Variants in ADAM8 observed in about 807,000 individuals in gnomAD.
The protein encoded by ADAM8 is ADAM metallopeptidase domain 8.
ADAM8 carries 104 observed loss-of-function variants against 102.4 expected under a neutral mutation model. The ratio of observed to expected loss-of-function variants is 1.02; its 90% CI spans 0.87 to 1.20. ADAM8 has a LOEUF of 1.20. Among genes scored for constraint, ADAM8 ranks in the 50% most tolerant of loss-of-function variants. The pLI is 0.00. For missense variants in ADAM8, 1,132 were observed against 1,159.0 expected (o/e 0.98, Z 0.34); for synonymous variants, 517 against 485.2 (o/e 1.07, Z -0.86).
rs561486244 is a variant in ADAM8, at chr10:133,267,897, G to A, written c.2253+32C>T. 6.6e-5 allele frequency: 83 copies of A among 1,256,988 alleles called. 1 individual carries two copies. The highest frequency in any genetic ancestry group is 1.9e-4 in the Admixed American group (5 of 26,564). 77.9% of individuals were successfully genotyped at this position (1,256,988 alleles called of 1,614,324 possible). ...AGGATGGGGCCTGGGCACTGCTTTCGGCCTCATGAACCCGCCAGGGGTGGT... is the reference window on the plus strand; with the variant it reads ...AGGATGGGGCCTGGGCACTGCTTTCAGCCTCATGAACCCGCCAGGGGTGGT... On this transcript the variant is annotated intron_variant, in intron 20 of 22. Coordinates refer to ENST00000445355, the MANE Select transcript of ADAM8 (RefSeq NM_001109.5).
intron 1 of ADAM8, among the ~76,000 whole-genome samples, chr10:133,276,147 C>T (rs1846743100): frequency 6.6e-6 from 1 of 152,196 alleles, no homozygotes; most frequent in Non-Finnish European, 1.5e-5. Context: ...CATTAAAACA[C>T]AATAGTGGAC....
At chr10:133,276,347 G>A (rs909069564) in intron 1 of ADAM8, among the ~76,000 whole-genome samples, 3 of 152,052 alleles carry the variant, frequency 2.0e-5, no homozygotes, top group African/African-American at 7.2e-5. Context: ...CCAGGCAGGA[G>A]ACGGGTCCCC....
At chr10:133,268,988 A>G in intron 18 of ADAM8, 126 bp from the exon 19 acceptor site, 1 of 1,467,898 alleles carries the variant, frequency 6.8e-7, no homozygotes, top group South Asian at 1.4e-5. Context: ...CTCAGGGAGG[A>G]CCTGGTACCT....
At chr10:133,269,836 A>G in intron 17 of ADAM8, 61 bp downstream of exon 17, 1 of 1,571,722 alleles carries the variant, frequency 6.4e-7, no homozygotes, top group Non-Finnish European at 8.7e-7. Context: ...TGTCCCCAGC[A>G]CCGGCTCCCT....
At chr10:133,267,514 T>C in intron 20 of ADAM8, 97 bp from the exon 21 acceptor site, 1 of 1,262,238 alleles carries the variant, frequency 7.9e-7, no homozygotes, top group Middle Eastern at 2.3e-4. Context: ...GCCTCTTGTG[T>C]GTGCTGGAGG....
intron 19 of ADAM8, 28 bp downstream of exon 19, chr10:133,268,720 C>T (rs1846414880): frequency 1.9e-6 from 3 of 1,596,568 alleles, no homozygotes; most frequent in East Asian, 2.3e-5. Context: ...CACTCGCCAC[C>T]CTCCGTCACA....
rs1472203566 is a variant in ADAM8 at position 133,271,198 on chromosome 10, A to G, written c.1374+2T>C. 1 of 1,610,492 alleles carries G rather than the reference A, an allele frequency of 6.2e-7. No homozygotes were observed. On this transcript the variant is annotated splice_donor_variant, in intron 13 of 22. Coordinates refer to ENST00000445355, the MANE Select transcript of ADAM8 (RefSeq NM_001109.5). LOFTEE classifies it high-confidence loss of function. ...GGGTCACTGGTGGGAGGCTGCACTC[A>G]CCTTGCACTCCTGGCAGCAGGTACC... is the stretch of plus-strand genomic sequence containing the variant.
Position 133,263,643 on chromosome 10 carries a change from G to A in ADAM8, c.2397+45C>T, listed in dbSNP as rs2275721. On this transcript the variant is annotated intron_variant, in intron 22 of 22. Coordinates refer to ENST00000445355, the MANE Select transcript of ADAM8 (RefSeq NM_001109.5). ...GTCAGCCCCGTGGGGAGGCCGTGCC[G>A]TCCATTGCACAGTGGACTCTGCCTG... The A allele has an allele frequency of 1.2e-3, 292 of 244,312 alleles. 1 individual carries two copies. The highest frequency in any genetic ancestry group is 2.2e-3 in the Admixed American group (17 of 7,738). 15.1% of individuals were successfully genotyped at this position (244,312 alleles called of 1,614,324 possible). A position where few individuals can be genotyped will look rare whatever the true frequency, so the allele number is the denominator to read the frequency against.
rs531241506 is a variant in ADAM8 at position 133,267,871 on chromosome 10, C to A, written c.2253+58G>T. The A allele has an allele frequency of 1.7e-4, 219 of 1,254,124 alleles. 3 individuals carry two copies. The highest frequency in any genetic ancestry group is 6.2e-5 in the Non-Finnish European group (62 of 993,492). 77.7% of individuals were successfully genotyped at this position (1,254,124 alleles called of 1,614,324 possible). On this transcript the variant is annotated intron_variant, in intron 20 of 22. Coordinates refer to ENST00000445355, the MANE Select transcript of ADAM8 (RefSeq NM_001109.5). Reference sequence around the variant, plus strand: ...TGGCCTCGGGCTGCACTTGGGGTCGCAGGATGGGGCCTGGGCACTGCTTTC... The same window carrying A: ...TGGCCTCGGGCTGCACTTGGGGTCGAAGGATGGGGCCTGGGCACTGCTTTC...
In ADAM8 at chr10:133,268,737, A is replaced by G. The variant is rs759456201; in HGVS notation, c.2063+11T>C. On this transcript the variant is annotated intron_variant, in intron 19 of 22. Coordinates refer to ENST00000445355, the MANE Select transcript of ADAM8 (RefSeq NM_001109.5). ...CTCGCCACCCTCCGTCACAGCCCCC[A>G]CCACCCTCACCTGCTCAGGATGCGG... is the stretch of plus-strand genomic sequence containing the variant. 2.5e-6 allele frequency: 4 copies of G among 1,606,958 alleles called. No individual in the cohort carries two copies. The highest frequency in any genetic ancestry group is 2.2e-5 in the East Asian group (1 of 44,796).
chr10:133,265,102 C>T (rs1325834422), intron 21 of ADAM8, among the ~76,000 whole-genome samples: 3 of 141,502 alleles, frequency 2.1e-5, no homozygotes, highest in Non-Finnish European at 3.1e-5. Flanking sequence ...TCTACCTCCA[C>T]GCCTGTTCCT....
intron 21 of ADAM8, among the ~76,000 whole-genome samples, chr10:133,265,018 T>G (rs1219448403): frequency 3.0e-5 from 4 of 133,804 alleles, no homozygotes; most frequent in African/African-American, 2.9e-5. Context: ...CCCATCTACC[T>G]CCACGCCCGG....
At chr10:133,273,671 CACCCTCCCT>C in intron 5 of ADAM8, 82 bp downstream of exon 5, 1 of 1,426,368 alleles carries the variant, frequency 7.0e-7, no homozygotes, top group Non-Finnish European at 9.5e-7. Flanking sequence ...GAGGAGGAGG[CACCCTCCCT>C]GCCTCCCTTC....
intron 2 of ADAM8, chr10:133,275,119 C>A (rs967592633): frequency 9.4e-6 from 3 of 318,428 alleles, no homozygotes; most frequent in South Asian, 3.2e-5. Context: ...CCCTGGGAAA[C>A]CCCCGCCAGG....
At position 133,275,513 on chromosome 10, in the gene ADAM8, G is replaced by C. The variant is rs201802022; in HGVS notation, c.121C>G (p.Arg41Gly). 2.0e-6 allele frequency: 3 copies of C among 1,528,572 alleles called. No homozygotes were observed. The highest frequency in any genetic ancestry group is 1.4e-5 in the African/African-American group (1 of 71,366). The allele number at this position is 1,528,572 out of a possible 1,614,324, so 94.7% of individuals were successfully genotyped here. Residue 41 changes from arginine (R) to glycine (G), a missense_variant, in exon 2 of 23, where the codon CGA (arginine) becomes GGA (glycine). By Grantham distance (125) the Arg-to-Gly change is moderately radical. Transcript: ENST00000445355. ...VVLPWRLPGP[R>G]VRRALPSHLG... ...TGGGAGGGCAGAGCTCGGCGGACTC[G>C]GGGGCCTGGCAGACGCCACGGCAAC...
intron 2 of ADAM8, chr10:133,275,028 G>C (rs1034123671): frequency 6.5e-6 from 2 of 309,940 alleles, no homozygotes; most frequent in Non-Finnish European, 1.3e-5. Flanking sequence ...CCGTGCACAT[G>C]TGTGCACACC....
At chr10:133,274,082 C>T (rs1318308663) in intron 3 of ADAM8, 53 bp from the exon 4 acceptor site, 1 of 1,589,070 alleles carries the variant, frequency 6.3e-7, no homozygotes, top group Non-Finnish European at 8.6e-7. Flanking sequence ...GAGAGGCTGG[C>T]CCAGAGGCTG....
chr10:133,271,258 G>GC lies in ADAM8; in HGVS notation c.1315_1316insG (p.Thr439SerfsTer6), dbSNP rs1431284068. 5.6e-6 allele frequency: 9 copies of GC among 1,611,308 alleles called. No individual in the cohort carries two copies. The African/African-American group carries it at 1.2e-4, about 22-fold the overall frequency. ...CTGGGCCCCCTCAGCCAGCTGGCAG[G>GC]TGGTAGAGTTGCAGCAGCGGTTCCG... On this transcript the variant is annotated frameshift_variant, in exon 13 of 23. Coordinates refer to ENST00000445355, the MANE Select transcript of ADAM8 (RefSeq NM_001109.5). LOFTEE classifies it high-confidence loss of function.
chr10:133,274,108 AGT>A, intron 3 of ADAM8, 49 bp downstream of exon 3: 1 of 1,584,776 alleles, frequency 6.3e-7, no homozygotes, highest in East Asian at 2.3e-5. Context: ...CGGGGACACC[AGT>A]GTGCTGGAGC....
Sources: gnomAD v4.1 joint callset for allele counts (sites outside exome capture counted in the v4.1 genomes callset) on GRCh38, gnomAD v4.1.1 for gene constraint, MANE v1.5 for transcripts, NCBI Gene and HGNC (gene_info 2026-07-23, HGNC 2026-07-21) for gene names.